MTMR7: variants seen among roughly 807,000 people sequenced by gnomAD.
MTMR7 encodes the protein phosphatidylinositol-3-phosphate phosphatase MTMR7.
In MTMR7, 76 loss-of-function variants were observed where a neutral mutation model predicts 81.2. The observed-to-expected ratio is 0.94, with a 90% confidence interval of 0.78 to 1.13. The LOEUF is 1.13. Ranked by LOEUF, MTMR7 falls within the 50% of genes most tolerant of loss-of-function variation. The pLI is 0.00. For missense variants in MTMR7, 1,044 were observed against 820.0 expected (o/e 1.27, Z -3.34); for synonymous variants, 372 against 289.8 (o/e 1.28, Z -2.88).
chr8:17,371,836 C>G (rs1820429676), intron 2 of MTMR7, among the ~76,000 whole-genome samples: 1 of 148,458 alleles, frequency 6.7e-6, no homozygotes, highest in Non-Finnish European at 1.5e-5. Context: ...TGAGCATGGC[C>G]ATCACTTACC....
intron 1 of MTMR7, among the ~76,000 whole-genome samples, chr8:17,412,519 G>A (rs999146863): frequency 1.3e-5 from 2 of 152,212 alleles, no homozygotes; most frequent in Admixed American, 6.5e-5. Context: ...GTACAACTGA[G>A]GAGGAAGATT....
intron 6 of MTMR7, among the ~76,000 whole-genome samples, chr8:17,333,443 A>G (rs1017911982): frequency 2.0e-5 from 3 of 152,212 alleles, no homozygotes; most frequent in Non-Finnish European, 2.9e-5. Context: ...AATTAATAGG[A>G]GATTTGAAAG....
intron 4 of MTMR7, among the ~76,000 whole-genome samples, chr8:17,357,666 G>C (rs1374231269): frequency 1.3e-5 from 2 of 152,164 alleles, no homozygotes; most frequent in African/African-American, 4.8e-5. Flanking sequence ...CTGACATTAA[G>C]TGAGGCCTTC....
At position 17,297,753 on chromosome 8, in the gene MTMR7, G is replaced by C. The variant is rs564780353; in HGVS notation, c.*2109C>G. The stretch of plus-strand genomic sequence containing the variant: ...TGTTGGGGATATTTTAGTCTTGTTG[G>C]GTTAGCCATGCTCTGAAGAATCTGT... On this transcript the variant is annotated 3_prime_UTR_variant, in exon 14 of 14. Transcript: ENST00000180173. 6.6e-6 allele frequency: 1 copy of C among 150,938 alleles called. No individual in the cohort carries two copies. Among genetic ancestry groups the C allele is most frequent in the East Asian group, 2.0e-4 (1 of 5,128 alleles). The allele number at this position is 150,938 out of a possible 1,614,324, so 9.3% of individuals were successfully genotyped here. A position where few individuals can be genotyped will look rare whatever the true frequency, so the allele number is the denominator to read the frequency against.
intron 5 of MTMR7, 146 bp from the exon 6 acceptor site, chr8:17,341,643 C>T (rs1342931261): frequency 9.6e-7 from 1 of 1,040,124 alleles, no homozygotes; most frequent in Admixed American, 3.0e-5. Context: ...TTCTGGAAAT[C>T]AAGCCTTGTT....
intron 1 of MTMR7, among the ~76,000 whole-genome samples, chr8:17,397,596 T>A (rs528378627): frequency 1.3e-5 from 2 of 152,066 alleles, no homozygotes; most frequent in Admixed American, 6.5e-5. Flanking sequence ...TTGACTCCAA[T>A]CCTTGGCTCC....
Position 17,322,950 on chromosome 8 carries a change from C to CTTTTTTTTTT in MTMR7, c.865+8190_865+8199dup, listed in dbSNP as rs58584179. Among the ~76,000 whole-genome samples the CTTTTTTTTTT allele has an allele frequency of 1.2e-3, 157 of 125,728 alleles. 3 individuals are homozygous for CTTTTTTTTTT. Among genetic ancestry groups the CTTTTTTTTTT allele is most frequent in the East Asian group, 4.0e-3 (16 of 4,034 alleles). The allele number at this position is 125,728 out of a possible 152,430, so 82.5% of individuals were successfully genotyped here. A position where few individuals can be genotyped will look rare whatever the true frequency, so the allele number is the denominator to read the frequency against. The stretch of plus-strand genomic sequence containing the variant: ...TCCCATCTAGAGTGGATTGAATTAT[C>CTTTTTTTTTT]TTTTTTTTTTTTTTTTTGAGACAGT... On this transcript the variant is annotated intron_variant, in intron 7 of 13. Transcript: ENST00000180173.
intron 10 of MTMR7, 96 bp from the exon 11 acceptor site, chr8:17,306,053 C>T (rs1289662763): frequency 2.2e-6 from 2 of 901,994 alleles, no homozygotes; most frequent in African/African-American, 3.4e-5. Context: ...ACCCTAGTTC[C>T]TAAATAAATC....
chr8:17,402,531 G>C (rs1312044891), intron 1 of MTMR7, among the ~76,000 whole-genome samples: 2 of 152,146 alleles, frequency 1.3e-5, no homozygotes, highest in African/African-American at 2.4e-5. Context: ...TCTGTAGCTG[G>C]CTTCTTTCAC....
chr8:17,329,792 T>A (rs563355567), intron 7 of MTMR7, among the ~76,000 whole-genome samples: 80 of 152,268 alleles, frequency 5.3e-4, no homozygotes, highest in African/African-American at 1.9e-3. Flanking sequence ...TGCATGATAA[T>A]CTCCAAAAGT....
intron 1 of MTMR7, among the ~76,000 whole-genome samples, chr8:17,376,806 T>G (rs1203166130): frequency 6.6e-6 from 1 of 152,126 alleles, no homozygotes; most frequent in Non-Finnish European, 1.5e-5. Flanking sequence ...TTACTAAGAG[T>G]TTTGATTTTT....
chr8:17,378,980 C>T (rs1820677789), intron 1 of MTMR7, among the ~76,000 whole-genome samples: 1 of 152,084 alleles, frequency 6.6e-6, no homozygotes, highest in Non-Finnish European at 1.5e-5. Context: ...CTGAGGAAAG[C>T]CCAATGTTTA....
At chr8:17,342,682 T>C (rs1446676582) in intron 5 of MTMR7, among the ~76,000 whole-genome samples, 2 of 152,078 alleles carry the variant, frequency 1.3e-5, no homozygotes. Context: ...GGCCATTGTC[T>C]GAGGGCGCCA....
rs773767458 is a variant in MTMR7, at chr8:17,300,073, G to C, written c.1772C>G (p.Ser591Cys). 1.2e-6 allele frequency: 2 copies of C among 1,614,140 alleles called. No homozygotes were observed. Among genetic ancestry groups the C allele is most frequent in the African/African-American group, 1.3e-5 (1 of 75,044 alleles). ...DYSGNMKSFP[S>C]RSPSQGDEDS... is the part of the protein sequence containing the mutation. ...TTCATCGCCTTGTGAAGGGCTCCGG[G>C]ATGGAAATGATTTCATATTCCCACT... Residue 591 changes from serine to cysteine, a missense_variant, in exon 14 of 14, where the codon TCC becomes TGC. Transcript: ENST00000180173.
In MTMR7 at chr8:17,341,357, A is replaced by G. The variant is rs1179538498; in HGVS notation, c.732+6T>C. On this transcript the variant is annotated splice_donor_region_variant and intron_variant, in intron 6 of 13. Transcript: ENST00000180173. Reference sequence around the variant, plus strand: ...CAAAGACATGCATCGCAACGGTGACACTTACTTTAGGCCGGGTGTCAACGA... The same window carrying G: ...CAAAGACATGCATCGCAACGGTGACGCTTACTTTAGGCCGGGTGTCAACGA... 6.2e-7 allele frequency: 1 copy of G among 1,614,032 alleles called. No homozygotes were observed. The highest frequency in any genetic ancestry group is 1.1e-5 in the South Asian group (1 of 91,070).
chr8:17,371,253 A>G (rs1820412521), intron 2 of MTMR7, 54 bp from the exon 3 acceptor site: 1 of 1,544,608 alleles, frequency 6.5e-7, no homozygotes. Context: ...AATGAATACG[A>G]CAAGGACTAA....
chr8:17,405,859 C>A (rs1043449087), intron 1 of MTMR7, among the ~76,000 whole-genome samples: 6 of 108,882 alleles, frequency 5.5e-5, no homozygotes, highest in Admixed American at 4.4e-4. Flanking sequence ...CACACACACA[C>A]ACACACACAC....
At position 17,300,209 on chromosome 8, in the gene MTMR7, G is replaced by C; in HGVS notation, c.1636C>G (p.Gln546Glu). The C allele has an allele frequency of 1.2e-6, 2 of 1,602,388 alleles. No individual in the cohort carries two copies. The highest frequency in any genetic ancestry group is 1.7e-6 in the Non-Finnish European group (2 of 1,173,850). ...TTAGTGCAATTTAACTGGACCTTTT[G>C]AATTTTTTCCAGCCTCTAAGAAAGA... Reference protein sequence around the residue: ...EALEERLEKIQKVQLNCTKVK... With the variant: ...EALEERLEKIEKVQLNCTKVK... The change falls in exon 14 of 14, where the codon CAA becomes GAA. Residue 546 changes from glutamine to glutamate, a missense_variant. Physicochemically the swap from Gln to Glu is conservative, Grantham distance 29 (BLOSUM62 2). Coordinates refer to ENST00000180173, the MANE Select transcript of MTMR7 (RefSeq NM_004686.5).
chr8:17,344,431 G>C (rs2285289), intron 5 of MTMR7, among the ~76,000 whole-genome samples: 10,073 of 152,208 alleles, frequency 0.066, 711 homozygotes, highest in East Asian at 0.32. Flanking sequence ...GGCCAACATG[G>C]TGAAACCTGT....
Sources: allele counts gnomAD v4.1 joint callset (sites outside exome capture counted in the v4.1 genomes callset), GRCh38; gene constraint gnomAD v4.1.1; transcripts MANE v1.5; gene names NCBI Gene and HGNC (gene_info 2026-07-23, HGNC 2026-07-21).